CHRM3: variants seen among roughly 807,000 people sequenced by gnomAD.
CHRM3 encodes cholinergic receptor muscarinic 3, also known as muscarinic acetylcholine receptor M3.
A neutral mutation model predicts 41.8 loss-of-function variants in CHRM3; 11 were observed. That is an observed-to-expected ratio of 0.26 (90% confidence interval 0.17 to 0.44). CHRM3 has a LOEUF of 0.44. Among genes scored for constraint, CHRM3 ranks in the 20% least tolerant of loss-of-function variants. CHRM3 has a pLI of 1.00. For missense variants in CHRM3, 571 were observed against 745.4 expected (o/e 0.77, Z 2.72); for synonymous variants, 297 against 301.4 (o/e 0.99, Z 0.15).
chr1:239,702,893 A>G, intron 5 of CHRM3, among the ~76,000 whole-genome samples: 1 of 152,222 alleles, frequency 6.6e-6, no homozygotes, highest in East Asian at 1.9e-4. Context: ...TTCATAGTAT[A>G]TTTATTTTAG....
chr1:239,633,454 G>C (rs976318533), intron 4 of CHRM3, among the ~76,000 whole-genome samples: 1 of 152,132 alleles, frequency 6.6e-6, no homozygotes, highest in African/African-American at 2.4e-5. Context: ...TACGGTTCGA[G>C]ATGATATTTG....
intron 6 of CHRM3, among the ~76,000 whole-genome samples, chr1:239,890,323 G>A (rs944387864): frequency 2.7e-5 from 4 of 150,048 alleles, no homozygotes; most frequent in Non-Finnish European, 5.9e-5. Flanking sequence ...CTCCAGCCTG[G>A]GCAACAAGAG....
At chr1:239,607,552 A>G (rs1276106075) in intron 3 of CHRM3, among the ~76,000 whole-genome samples, 1 of 151,076 alleles carries the variant, frequency 6.6e-6, no homozygotes, top group Non-Finnish European at 1.5e-5. Context: ...TTTGCAAGTT[A>G]AAAAAAAATA....
At chr1:239,595,031 G>A (rs1664632698) in intron 3 of CHRM3, among the ~76,000 whole-genome samples, 1 of 152,208 alleles carries the variant, frequency 6.6e-6, no homozygotes. Context: ...GGAGGTTATG[G>A]TGAGCCAAGA....
At position 239,387,501 on chromosome 1, in the gene CHRM3, C is replaced by T. The variant is rs1251442699; in HGVS notation, c.-521+274C>T. Among the ~76,000 whole-genome samples the T allele has an allele frequency of 1.3e-5, 2 of 151,912 alleles. No homozygotes were observed. Among genetic ancestry groups the T allele is most frequent in the Non-Finnish European group, 2.9e-5 (2 of 67,990 alleles). ...GGGAACGCCCGCTGGCACTCAAGTG[C>T]CCCGAAAGGGACGGGAATCATGCGA... On this transcript the variant is annotated intron_variant, in intron 1 of 6. Transcript: ENST00000676153. This position sits in a 1 kb window ranked among gnomAD's most constrained non-coding sequence, Gnocchi z 5.1.
At chr1:239,673,649 A>C (rs1416560167) in intron 4 of CHRM3, among the ~76,000 whole-genome samples, 1 of 152,048 alleles carries the variant, frequency 6.6e-6, no homozygotes, top group African/African-American at 2.4e-5. Flanking sequence ...CCCTAGAACA[A>C]CTAATTTCTT....
chr1:239,723,881 A>C (rs1352181385), intron 5 of CHRM3, among the ~76,000 whole-genome samples: 1 of 151,912 alleles, frequency 6.6e-6, no homozygotes, highest in Non-Finnish European at 1.5e-5. Flanking sequence ...TGTCTGCAGC[A>C]GTTCAACTGA....
At chr1:239,434,580 G>A (rs1473449644) in intron 1 of CHRM3, among the ~76,000 whole-genome samples, 1 of 152,144 alleles carries the variant, frequency 6.6e-6, no homozygotes, top group Non-Finnish European at 1.5e-5. Context: ...CAGGAACTGT[G>A]TCTTATTTAC....
chr1:239,765,752 TG>T (rs960958961), intron 5 of CHRM3, among the ~76,000 whole-genome samples: 3 of 151,822 alleles, frequency 2.0e-5, no homozygotes, highest in African/African-American at 7.3e-5. Context: ...GTGGCCAAAC[TG>T]GGGGGAAAAA....
chr1:239,914,375 A>G lies in CHRM3; in HGVS notation c.*5151A>G, dbSNP rs1487984502. On this transcript the variant is annotated 3_prime_UTR_variant, in exon 7 of 7. Coordinates refer to ENST00000676153, the MANE Select transcript of CHRM3 (RefSeq NM_001375978.1). ...TATTAATATAACAAATATTATCAAC[A>G]TTCTGTGCACATCAATGTCCCATGC... is the stretch of plus-strand genomic sequence containing the variant. 1.2e-5 allele frequency: 2 copies of G among 167,116 alleles called. No homozygotes were observed. The highest frequency in any genetic ancestry group is 2.9e-5 in the Non-Finnish European group (2 of 68,128). The allele number at this position is 167,116 out of a possible 1,614,324, so 10.4% of individuals were successfully genotyped here. A position where few individuals can be genotyped will look rare whatever the true frequency, so the allele number is the denominator to read the frequency against.
chr1:239,898,545 G>T (rs1486757753), intron 6 of CHRM3, among the ~76,000 whole-genome samples: 1 of 152,152 alleles, frequency 6.6e-6, no homozygotes, highest in Non-Finnish European at 1.5e-5. Flanking sequence ...GCTGTATGTT[G>T]CAAAGATATT....
intron 1 of CHRM3, among the ~76,000 whole-genome samples, chr1:239,388,314 A>C: frequency 6.6e-6 from 1 of 152,334 alleles, no homozygotes; most frequent in East Asian, 1.9e-4. Flanking sequence ...TGTGTGGTTA[A>C]GAACACTGGT....
intron 3 of CHRM3, chr1:239,546,617 T>A (rs536106091): frequency 3.3e-5 from 5 of 152,250 alleles, no homozygotes; most frequent in African/African-American, 1.2e-4. Flanking sequence ...TTTGAGAAAA[T>A]TATGTTTAAA....
At chr1:239,836,907 G>A (rs1673368782) in intron 6 of CHRM3, among the ~76,000 whole-genome samples, 2 of 151,676 alleles carry the variant, frequency 1.3e-5, no homozygotes, top group African/African-American at 4.8e-5. Flanking sequence ...CCCAGGAGGT[G>A]GAAGTTGCAG....
At chr1:239,453,480 A>AT (rs1664708513) in intron 1 of CHRM3, among the ~76,000 whole-genome samples, 1 of 152,194 alleles carries the variant, frequency 6.6e-6, no homozygotes, top group Non-Finnish European at 1.5e-5. Flanking sequence ...CTATGCTGTC[A>AT]TTTTAAATAC....
chr1:239,649,772 C>A (rs1672073779), intron 4 of CHRM3, among the ~76,000 whole-genome samples: 1 of 152,086 alleles, frequency 6.6e-6, no homozygotes, highest in Non-Finnish European at 1.5e-5. Context: ...TGGGTAGGTG[C>A]AGGGACAGAG....
chr1:239,495,887 A>G (rs1667845367), intron 2 of CHRM3, among the ~76,000 whole-genome samples: 1 of 152,032 alleles, frequency 6.6e-6, no homozygotes, highest in African/African-American at 2.4e-5. Context: ...TTCATTTCAT[A>G]TTTCCTTCTC....
At position 239,803,739 on chromosome 1, in the gene CHRM3, A is replaced by T. The variant is rs182257712; in HGVS notation, c.-146-23513A>T. ...TGTGGAAGGCAGGGGGTAGGTGATC[A>T]GGGTGATCAAGTCAAATGATGCAGG... On this transcript the variant is annotated intron_variant, in intron 5 of 6. Coordinates refer to ENST00000676153, the MANE Select transcript of CHRM3 (RefSeq NM_001375978.1). 2.0e-5 allele frequency among the ~76,000 whole-genome samples: 3 copies of T among 152,324 alleles called. No individual in the cohort carries two copies. In the East Asian group the frequency reaches 5.8e-4, roughly 29 times the overall value.
At chr1:239,674,266 G>T in intron 4 of CHRM3, among the ~76,000 whole-genome samples, 1 of 152,032 alleles carries the variant, frequency 6.6e-6, no homozygotes, top group East Asian at 1.9e-4. Context: ...GGGTCAGACT[G>T]GTGATTTGAT....
Sources: allele counts gnomAD v4.1 joint callset (sites outside exome capture counted in the v4.1 genomes callset), GRCh38; gene constraint gnomAD v4.1.1; non-coding constraint Gnocchi (gnomAD v3.1); transcripts MANE v1.5; gene names NCBI Gene and HGNC (gene_info 2026-07-23, HGNC 2026-07-21).